CFAP45: variants seen among roughly 807,000 people sequenced by gnomAD.
CFAP45 encodes cilia- and flagella-associated protein 45.
Under a neutral mutation model 75.6 loss-of-function variants are expected in CFAP45, and 43 were observed. The observed-to-expected ratio is 0.57, with a 90% CI of 0.45 to 0.73. The LOEUF (loss-of-function observed/expected upper bound fraction) is 0.73, where lower values mean the gene tolerates loss of function less well. Among genes scored for constraint, CFAP45 ranks in the 30% least tolerant of loss-of-function variants. The pLI is 0.00. For missense variants in CFAP45, 689 were observed against 701.5 expected, an observed-to-expected ratio of 0.98 and a Z score of 0.20; for synonymous variants, 223 against 244.6, an observed-to-expected ratio of 0.91 and a Z score of 0.82.
rs148078822 is a variant in CFAP45, at chr1:159,882,968, A to G, written c.897+1468T>C. 7.0e-4 allele frequency among the ~76,000 whole-genome samples: 106 copies of G among 152,190 alleles called. No individual in the cohort carries two copies. In the East Asian group the frequency reaches 0.018, roughly 26 times the overall value. On this transcript the variant is annotated intron_variant, in intron 7 of 11. Coordinates refer to ENST00000368099, the MANE Select transcript of CFAP45 (RefSeq NM_012337.3). ...AGCTGTGTGCCCCTTCAGTTTCCCA[A>G]CTACCCAGGTGATCTTCATTGCACT... is the stretch of plus-strand genomic sequence containing the variant.
At chr1:159,888,070 G>A (rs925606839) in intron 4 of CFAP45, 59 bp from the exon 5 acceptor site, 21 of 1,553,544 alleles carry the variant, frequency 1.4e-5, no homozygotes, top group Middle Eastern at 1.7e-4. Context: ...TGCCCTGGGC[G>A]CTAGCCTGGC....
At chr1:159,883,764 C>T (rs1167264740) in intron 7 of CFAP45, among the ~76,000 whole-genome samples, 3 of 151,410 alleles carry the variant, frequency 2.0e-5, no homozygotes, top group African/African-American at 7.3e-5. Context: ...TCTGTGTGTG[C>T]AAAATTTTTC....
At chr1:159,899,911 T>C in intron 1 of CFAP45, 185 bp downstream of exon 1, 1 of 604,154 alleles carries the variant, frequency 1.7e-6, no homozygotes, top group Non-Finnish European at 3.0e-6. Flanking sequence ...TTATCGATGC[T>C]ATCCCTAATT....
rs202168727 is a variant in CFAP45, at chr1:159,886,477, C to T, written c.767+34G>A. ...TGGACCTAAAGATACATGGAAATAGCTTAGAGAGGGAGATGCCAAAACCAC... is the reference window on the plus strand; with the variant it reads ...TGGACCTAAAGATACATGGAAATAGTTTAGAGAGGGAGATGCCAAAACCAC... On this transcript the variant is annotated intron_variant, in intron 6 of 11. Transcript: ENST00000368099. The T allele has an allele frequency of 5.0e-6, 8 of 1,589,110 alleles. No homozygotes were observed. In the African/African-American group the frequency reaches 8.1e-5, roughly 16 times the overall value.
chr1:159,892,387 A>C (rs1053372948), intron 2 of CFAP45, among the ~76,000 whole-genome samples: 1 of 152,244 alleles, frequency 6.6e-6, no homozygotes, highest in African/African-American at 2.4e-5. Flanking sequence ...ATGGATTAAG[A>C]AGCCTATCTC....
intron 8 of CFAP45, among the ~76,000 whole-genome samples, chr1:159,878,309 A>G (rs1446009297): frequency 2.6e-5 from 4 of 152,224 alleles, no homozygotes. Context: ...GTTACCAGAT[A>G]CTTAAAGAAT....
At chr1:159,882,098 A>C (rs1266477338) in intron 7 of CFAP45, among the ~76,000 whole-genome samples, 1 of 152,052 alleles carries the variant, frequency 6.6e-6, no homozygotes, top group Non-Finnish European at 1.5e-5. Flanking sequence ...AGGCTTCTGA[A>C]CCAGAGCGGT....
At chr1:159,896,603 A>T (rs1242881204) in intron 1 of CFAP45, among the ~76,000 whole-genome samples, 1 of 152,228 alleles carries the variant, frequency 6.6e-6, no homozygotes, top group African/African-American at 2.4e-5. Context: ...TCTTTGCATG[A>T]CCAAATAAAT....
intron 11 of CFAP45, 94 bp downstream of exon 11, chr1:159,872,850 C>T (rs1342945994): frequency 2.4e-6 from 3 of 1,241,826 alleles, no homozygotes; most frequent in African/African-American, 1.5e-5. Flanking sequence ...TCTGCCATGG[C>T]CCTTCACCCC....
At chr1:159,890,020 G>T (rs1649788548) in intron 3 of CFAP45, among the ~76,000 whole-genome samples, 1 of 152,218 alleles carries the variant, frequency 6.6e-6, no homozygotes, top group South Asian at 2.1e-4. Context: ...GAGCCCCTGT[G>T]AATTTCTTCC....
rs1459400959 is a variant in CFAP45 at position 159,872,835 on chromosome 1, G to A, written c.1577+109C>T. ...GGTGGGGAGAAGAGCCTCTCCCTGA[G>A]CATCTCTGCCATGGCCCTTCACCCC... On this transcript the variant is annotated intron_variant, in intron 11 of 11. Transcript: ENST00000368099. The A allele has an allele frequency of 2.8e-6, 3 of 1,079,756 alleles. No homozygotes were observed. In the Admixed American group the frequency reaches 6.3e-5, roughly 23 times the overall value. 66.9% of individuals were successfully genotyped at this position (1,079,756 alleles called of 1,614,324 possible).
chr1:159,890,822 G>A (rs377637211), intron 2 of CFAP45, among the ~76,000 whole-genome samples, 200 bp from the exon 3 acceptor site: 2 of 140,304 alleles, frequency 1.4e-5, no homozygotes, highest in East Asian at 2.2e-4. Flanking sequence ...GCAGTGGCAC[G>A]ATCTTGGCTC....
chr1:159,882,429 T>G (rs1274083488), intron 7 of CFAP45, among the ~76,000 whole-genome samples: 1 of 152,236 alleles, frequency 6.6e-6, no homozygotes, highest in Non-Finnish European at 1.5e-5. Flanking sequence ...TTTGGATTGT[T>G]GTTTTTGTTG....
At chr1:159,892,373 C>G (rs1649849742) in intron 2 of CFAP45, among the ~76,000 whole-genome samples, 1 of 152,164 alleles carries the variant, frequency 6.6e-6, no homozygotes. Flanking sequence ...TGAGAGTCTT[C>G]TAAATGGATT....
chr1:159,872,783 G>A (rs1321228213), intron 11 of CFAP45, among the ~76,000 whole-genome samples, 161 bp downstream of exon 11: 1 of 152,186 alleles, frequency 6.6e-6, no homozygotes, highest in Non-Finnish European at 1.5e-5. Context: ...CTTTCTGCTG[G>A]AGCCCCCTTC....
At chr1:159,895,423 C>T (rs1571190668) in intron 1 of CFAP45, among the ~76,000 whole-genome samples, 1 of 152,326 alleles carries the variant, frequency 6.6e-6, no homozygotes, top group African/African-American at 2.4e-5. Context: ...GTTCTGAAAG[C>T]TCTCTCTGAT....
chr1:159,884,291 A>G, intron 7 of CFAP45, 145 bp downstream of exon 7: 1 of 796,972 alleles, frequency 1.3e-6, no homozygotes, highest in Non-Finnish European at 2.0e-6. Flanking sequence ...AATATTTAAC[A>G]TGGCAATAAA....
chr1:159,887,799 G>A lies in CFAP45; in HGVS notation c.588+42C>T, dbSNP rs201281017. On this transcript the variant is annotated intron_variant, in intron 5 of 11. Coordinates refer to ENST00000368099, the MANE Select transcript of CFAP45 (RefSeq NM_012337.3). ...GGGAATAAGGGGAGGGCGGAGGGAT[G>A]GCAGTGAATGCTCAGAGGGAAGGGA... is the stretch of plus-strand genomic sequence containing the variant. 9.7e-5 allele frequency: 150 copies of A among 1,546,656 alleles called. 1 individual carries two copies. The African/African-American group carries it at 1.5e-3, about 15-fold the overall frequency.
In CFAP45 at chr1:159,891,372, A is replaced by G. The variant is rs16842803; in HGVS notation, c.130-750T>C. On this transcript the variant is annotated intron_variant, in intron 2 of 11. Transcript: ENST00000368099. ...CGATTAAATTACTTTAACCCCCACA[A>G]AAAGCCATATTCAGGGAGTTAGAAA... 5.2e-3 allele frequency among the ~76,000 whole-genome samples: 786 copies of G among 152,314 alleles called. 7 individuals are homozygous for G. Among genetic ancestry groups the G allele is most frequent in the African/African-American group, 0.017 (717 of 41,572 alleles).
Sources: allele counts gnomAD v4.1 joint callset (sites outside exome capture counted in the v4.1 genomes callset), GRCh38; gene constraint gnomAD v4.1.1; transcripts MANE v1.5; gene names NCBI Gene and HGNC (gene_info 2026-07-23, HGNC 2026-07-21).